CCDC3: variants seen among roughly 807,000 people sequenced by gnomAD.
CCDC3 encodes coiled-coil domain containing 3, also known as coiled-coil domain-containing protein 3.
In CCDC3, 24 loss-of-function variants were observed where a neutral mutation model predicts 21.4. The observed-to-expected ratio is 1.12, with a 90% CI of 0.81 to 1.58. CCDC3 has a LOEUF of 1.58. CCDC3 is among the 40% of genes most tolerant of loss of function. CCDC3 has a pLI of 0.00. For missense variants in CCDC3, 425 were observed against 360.9 expected (o/e 1.18, Z -1.44); for synonymous variants, 186 against 166.0 (o/e 1.12, Z -0.93).
chr10:13,047,450 C>CA (rs1836543907), intron 5 of CCDC3, among the ~76,000 whole-genome samples: 1 of 152,110 alleles, frequency 6.6e-6, no homozygotes, highest in South Asian at 2.1e-4. Flanking sequence ...ATTCTCAGGA[C>CA]AAAAAGTTTG....
chr10:12,906,649 C>T (rs372811082), intron 2 of CCDC3, among the ~76,000 whole-genome samples: 12 of 152,328 alleles, frequency 7.9e-5, no homozygotes, highest in African/African-American at 1.4e-4. Flanking sequence ...GCCCCACCAT[C>T]GGACAGTGGG....
At chr10:12,924,477 G>A (rs774330435) in intron 2 of CCDC3, among the ~76,000 whole-genome samples, 1 of 152,318 alleles carries the variant, frequency 6.6e-6, no homozygotes, top group Non-Finnish European at 1.5e-5. Context: ...AATATGTCAC[G>A]TTTCACTCAG....
At chr10:12,925,431 C>T (rs1192092775) in intron 2 of CCDC3, among the ~76,000 whole-genome samples, 1 of 152,212 alleles carries the variant, frequency 6.6e-6, no homozygotes, top group Non-Finnish European at 1.5e-5. Context: ...TTGCATATTT[C>T]AAGGCCCTCT....
chr10:13,056,771 A>G (rs1836686112), intron 4 of CCDC3, among the ~76,000 whole-genome samples: 1 of 152,214 alleles, frequency 6.6e-6, no homozygotes, highest in Admixed American at 6.5e-5. Flanking sequence ...TCGGTTTGGT[A>G]ACCATAGGAG....
At chr10:12,955,122 C>A (rs1401449391) in intron 2 of CCDC3, among the ~76,000 whole-genome samples, 1 of 152,168 alleles carries the variant, frequency 6.6e-6, no homozygotes, top group Non-Finnish European at 1.5e-5. Flanking sequence ...TTAGAACAAT[C>A]CTATTGTTCA....
At chr10:13,016,684 C>T (rs1016238672) in intron 5 of CCDC3, among the ~76,000 whole-genome samples, 1 of 151,952 alleles carries the variant, frequency 6.6e-6, no homozygotes, top group African/African-American at 2.4e-5. Context: ...CCTGTGGTCC[C>T]CTGGCTCTCA....
intron 4 of CCDC3, chr10:13,050,011 G>C (rs1385747714): frequency 6.6e-6 from 1 of 152,176 alleles, no homozygotes; most frequent in Non-Finnish European, 1.5e-5. Context: ...CCCACAATGT[G>C]ACATAAATCT....
intron 2 of CCDC3, among the ~76,000 whole-genome samples, chr10:12,977,513 T>C (rs662141): frequency 0.46 from 69,964 of 151,860 alleles, 16,776 homozygotes; most frequent in South Asian, 0.55. Context: ...AACTGTAGCA[T>C]CTAAAGTCAA....
At chr10:12,937,984 A>G (rs1047056203) in intron 2 of CCDC3, among the ~76,000 whole-genome samples, 1 of 152,166 alleles carries the variant, frequency 6.6e-6, no homozygotes, top group African/African-American at 2.4e-5. Context: ...TATGCCTTCA[A>G]CCCAGCATCC....
At chr10:12,948,742 T>G (rs1055156517) in intron 2 of CCDC3, among the ~76,000 whole-genome samples, 2 of 143,048 alleles carry the variant, frequency 1.4e-5, no homozygotes, top group Non-Finnish European at 3.1e-5. Flanking sequence ...TTTTTTTTTT[T>G]TTTTTTTTGA....
chr10:12,987,054 C>T (rs1388908006), intron 2 of CCDC3, among the ~76,000 whole-genome samples: 1 of 152,046 alleles, frequency 6.6e-6, no homozygotes, highest in African/African-American at 2.4e-5. Context: ...GTCCACTGAC[C>T]CGTGCACCCT....
intron 2 of CCDC3, among the ~76,000 whole-genome samples, chr10:12,967,364 T>C (rs1209531662): frequency 6.6e-6 from 1 of 152,170 alleles, no homozygotes; most frequent in Admixed American, 6.5e-5. Context: ...GTGAACTGCC[T>C]AAGAATTCAA....
chr10:13,001,393 T>G lies in CCDC3; in HGVS notation c.178A>C (p.Asn60His). ...ALHPEAPGLY[N>H]HLPWQYHAGQ... is the part of the protein sequence containing the mutation. Reference sequence around the variant, plus strand: ...GCGTGGTACTGCCAGGGCAGGTGGTTGTAGAGGCCGGGCGCCTCGGGGTGC... The same window carrying G: ...GCGTGGTACTGCCAGGGCAGGTGGTGGTAGAGGCCGGGCGCCTCGGGGTGC... The change falls in exon 1 of 3, where the codon AAC becomes CAC. Residue 60 changes from asparagine (N) to histidine (H), a missense_variant. Transcript: ENST00000378825. 6.3e-7 allele frequency: 1 copy of G among 1,579,934 alleles called. No homozygotes were observed. Among genetic ancestry groups the G allele is most frequent in the South Asian group, 1.2e-5 (1 of 86,096 alleles).
At chr10:12,934,036 T>A (rs1447785672) in intron 2 of CCDC3, among the ~76,000 whole-genome samples, 1 of 152,226 alleles carries the variant, frequency 6.6e-6, no homozygotes, top group African/African-American at 2.4e-5. Flanking sequence ...TTCAGGCCAC[T>A]GATATTAGAT....
chr10:13,073,138 T>C (rs573391665), intron 4 of CCDC3, among the ~76,000 whole-genome samples: 2 of 152,294 alleles, frequency 1.3e-5, no homozygotes, highest in Admixed American at 1.3e-4. Context: ...AGTGCTGGGA[T>C]TACAGGCATG....
chr10:12,961,073 C>T (rs767805659), intron 2 of CCDC3, among the ~76,000 whole-genome samples: 11 of 152,106 alleles, frequency 7.2e-5, no homozygotes, highest in African/African-American at 1.9e-4. Flanking sequence ...GGATGGCCTC[C>T]GAGGTGTCGT....
rs117031379 is a variant in CCDC3 at position 12,962,997 on chromosome 10, C to T, written c.549+35341G>A. Among the ~76,000 whole-genome samples the T allele has an allele frequency of 2.8e-3, 433 of 152,274 alleles. 9 individuals are homozygous for T. In the East Asian group the frequency reaches 0.047, roughly 16 times the overall value. On this transcript the variant is annotated intron_variant, in intron 2 of 2. Coordinates refer to ENST00000378825, the MANE Select transcript of CCDC3 (RefSeq NM_031455.4). ...CATACTTATATACACTATTTTCCACCTCCATTCTTCCCTCATCAAAAGTAA... is the reference window on the plus strand; with the variant it reads ...CATACTTATATACACTATTTTCCACTTCCATTCTTCCCTCATCAAAAGTAA...
intron 2 of CCDC3, among the ~76,000 whole-genome samples, chr10:12,940,162 A>ATTTCAGTTACAGAAGC (rs1255285426): frequency 1.3e-5 from 2 of 151,548 alleles, no homozygotes; most frequent in African/African-American, 4.9e-5. Flanking sequence ...ATATCAGACT[A>ATTTCAGTTACAGAAGC]TTTCAGTTAC....
intron 2 of CCDC3, among the ~76,000 whole-genome samples, chr10:12,940,711 C>A (rs1834815245): frequency 6.6e-6 from 1 of 152,174 alleles, no homozygotes; most frequent in Non-Finnish European, 1.5e-5. Context: ...TTACCCTTCT[C>A]CCTTGCCTTC....
Sources: allele counts gnomAD v4.1 joint callset (sites outside exome capture counted in the v4.1 genomes callset), GRCh38; gene constraint gnomAD v4.1.1; transcripts MANE v1.5; gene names NCBI Gene and HGNC (gene_info 2026-07-23, HGNC 2026-07-21).